The following ZFAND3 variants were observed in gnomAD, a reference collection of about 807,000 sequenced individuals.
ZFAND3 encodes zinc finger AN1-type containing 3, also known as AN1-type zinc finger protein 3.
In ZFAND3, 10 loss-of-function variants were observed where a neutral mutation model predicts 29.6. The observed-to-expected ratio is 0.34, with a 90% CI of 0.21 to 0.57. The LOEUF (loss-of-function observed/expected upper bound fraction) is 0.57, where lower values mean the gene tolerates loss of function less well. Ranked by LOEUF, ZFAND3 falls within the 20% of genes least tolerant of loss-of-function variation. The pLI is 0.86. For synonymous variants in ZFAND3, 128 were observed against 112.6 expected (o/e 1.14, Z -0.87); for missense variants, 230 against 304.5 (o/e 0.76, Z 1.82).
Position 37,985,042 on chromosome 6 carries a change from T to C in ZFAND3, c.112+55043T>C, listed in dbSNP as rs552503461. Among the ~76,000 whole-genome samples the C allele has an allele frequency of 7.2e-5, 11 of 152,340 alleles. No individual in the cohort carries two copies. The South Asian group carries it at 2.3e-3, about 32-fold the overall frequency. On this transcript the variant is annotated intron_variant, in intron 2 of 5. Transcript: ENST00000287218. ...GATATAAGACTTCCAGTACTTTAGT[T>C]TTAGTTTCTCTCAGTCTTTAGTTTA...
intron 5 of ZFAND3, among the ~76,000 whole-genome samples, chr6:38,124,170 T>C (rs750431873): frequency 1.6e-4 from 24 of 152,218 alleles, no homozygotes; most frequent in Non-Finnish European, 2.2e-4. Context: ...AACCTTGAAC[T>C]AGACACAGAG....
chr6:38,070,414 A>T (rs865855452), intron 3 of ZFAND3, among the ~76,000 whole-genome samples: 1 of 99,128 alleles, frequency 1.0e-5, no homozygotes, highest in East Asian at 3.3e-4. Context: ...AACTTAGTCT[A>T]AAAAAAAAAA....
chr6:38,002,485 G>C (rs1034638139), intron 2 of ZFAND3, among the ~76,000 whole-genome samples: 1 of 151,724 alleles, frequency 6.6e-6, no homozygotes, highest in South Asian at 2.1e-4. Context: ...CCGAGACAAG[G>C]CTAGGCAATA....
At chr6:38,146,462 A>G (rs1369299462) in intron 5 of ZFAND3, among the ~76,000 whole-genome samples, 1 of 152,222 alleles carries the variant, frequency 6.6e-6, no homozygotes, top group African/African-American at 2.4e-5. Flanking sequence ...TCGAGGGCTC[A>G]TCCTAAATTG....
chr6:37,907,503 G>A lies in ZFAND3; in HGVS notation c.72-22456G>A, dbSNP rs144299056. Among the ~76,000 whole-genome samples the A allele has an allele frequency of 2.4e-3, 372 of 152,220 alleles. 3 individuals carry two copies. Among genetic ancestry groups the A allele is most frequent in the African/African-American group, 8.6e-3 (356 of 41,546 alleles). ...CATAATGTATAGTCTTTTGTGACTA[G>A]CTTCTCTCACTGAACGTGTTTTTGT... On this transcript the variant is annotated intron_variant, in intron 1 of 5. Transcript: ENST00000287218.
At chr6:37,905,081 A>G (rs1393690307) in intron 1 of ZFAND3, among the ~76,000 whole-genome samples, 1 of 152,202 alleles carries the variant, frequency 6.6e-6, no homozygotes. Flanking sequence ...GGGTAGAATC[A>G]TGTCCTTTGA....
rs1230690120 is a variant in ZFAND3 at position 37,944,472 on chromosome 6, C to T, written c.112+14473C>T. Among the ~76,000 whole-genome samples the T allele has an allele frequency of 3.9e-5, 6 of 152,202 alleles. No individual in the cohort carries two copies. The South Asian group carries it at 1.0e-3, about 26-fold the overall frequency. ...AGACAAAATTCTTTTCTCAAAATCC[C>T]TACATGGCCCTACAAGAGGAGGAGC... On this transcript the variant is annotated intron_variant, in intron 2 of 5. Coordinates refer to ENST00000287218, the MANE Select transcript of ZFAND3 (RefSeq NM_021943.3).
At chr6:37,923,617 A>G (rs932109979) in intron 1 of ZFAND3, among the ~76,000 whole-genome samples, 1 of 152,242 alleles carries the variant, frequency 6.6e-6, no homozygotes, top group African/African-American at 2.4e-5. Flanking sequence ...TTTATCAAGT[A>G]TTATGTACTA....
chr6:37,875,503 C>T (rs996032300), intron 1 of ZFAND3, among the ~76,000 whole-genome samples: 1 of 151,968 alleles, frequency 6.6e-6, no homozygotes, highest in Non-Finnish European at 1.5e-5. Flanking sequence ...ACTTAAAGAG[C>T]ATCCCAGAAC....
intron 2 of ZFAND3, among the ~76,000 whole-genome samples, chr6:38,023,833 T>A (rs1763396218): frequency 6.6e-6 from 1 of 152,202 alleles, no homozygotes; most frequent in Admixed American, 6.5e-5. Flanking sequence ...CTGTCTAAAT[T>A]ACTCCATTAT....
chr6:37,847,027 A>T (rs989215392), intron 1 of ZFAND3, among the ~76,000 whole-genome samples: 14 of 151,986 alleles, frequency 9.2e-5, no homozygotes, highest in African/African-American at 3.4e-4. Flanking sequence ...TGTGATTTTT[A>T]TTCAGGTAGG....
rs576092209 is a variant in ZFAND3 at position 37,987,545 on chromosome 6, G to T, written c.112+57546G>T. 3.1e-3 allele frequency among the ~76,000 whole-genome samples: 471 copies of T among 152,346 alleles called. 3 individuals are homozygous for T. The highest frequency in any genetic ancestry group is 0.011 in the African/African-American group (448 of 41,576). ...ATCTAAAAATGTAGTAGGCATCTCA[G>T]TGAAGTGATTGTACCCTTTCAAATG... On this transcript the variant is annotated intron_variant, in intron 2 of 5. Coordinates refer to ENST00000287218, the MANE Select transcript of ZFAND3 (RefSeq NM_021943.3).
chr6:38,083,036 C>G (rs1764693042), intron 4 of ZFAND3, among the ~76,000 whole-genome samples: 1 of 152,108 alleles, frequency 6.6e-6, no homozygotes, highest in African/African-American at 2.4e-5. Flanking sequence ...TCGCCTGTAG[C>G]TTAATTTATT....
intron 2 of ZFAND3, among the ~76,000 whole-genome samples, chr6:37,986,364 A>G (rs1050855285): frequency 6.6e-6 from 1 of 152,134 alleles, no homozygotes; most frequent in Admixed American, 6.5e-5. Flanking sequence ...GGGATTCACC[A>G]GCTGTTACCT....
chr6:38,060,551 T>TA (rs1308145117), intron 2 of ZFAND3, among the ~76,000 whole-genome samples: 1 of 151,176 alleles, frequency 6.6e-6, no homozygotes, highest in Non-Finnish European at 1.5e-5. Context: ...CTTTCTTTCT[T>TA]ACTCCTGGAC....
chr6:38,152,346 A>G lies in ZFAND3; in HGVS notation c.641A>G (p.Lys214Arg), dbSNP rs1427144159. 1.9e-6 allele frequency: 3 copies of G among 1,609,440 alleles called. No individual in the cohort carries two copies. Among genetic ancestry groups the G allele is most frequent in the Non-Finnish European group, 2.5e-6 (3 of 1,177,982 alleles). Residue 214 changes from lysine (K) to arginine (R), a missense_variant, in exon 6 of 6, where the codon AAA (lysine) becomes AGA (arginine). Transcript: ENST00000287218. ...ATGAAAATGGTGAAGCTGGACCGGA[A>G]AGTGGGGCGCTCCTGCCAGCGCATC... ...AIMKMVKLDR[K>R]VGRSCQRIGE...
chr6:37,834,784 C>CATGCATATATAATGATATATGCTCAT (rs1763934958), intron 1 of ZFAND3, among the ~76,000 whole-genome samples: 8 of 149,206 alleles, frequency 5.4e-5, no homozygotes, highest in Non-Finnish European at 8.9e-5. Context: ...ATGCATATAT[C>CATGCATATATAATGATATATGCTCAT]ATGCATATAT....
At chr6:38,049,185 A>C (rs1313030401) in intron 2 of ZFAND3, among the ~76,000 whole-genome samples, 1 of 152,214 alleles carries the variant, frequency 6.6e-6, no homozygotes, top group Admixed American at 6.5e-5. Context: ...GTTAGTGTAC[A>C]TTGTTAATGA....
At chr6:38,016,979 G>C (rs1763262688) in intron 2 of ZFAND3, among the ~76,000 whole-genome samples, 1 of 152,098 alleles carries the variant, frequency 6.6e-6, no homozygotes, top group African/African-American at 2.4e-5. Flanking sequence ...CAAATGTCTT[G>C]AACTTCCCTT....
Sources: allele counts gnomAD v4.1 joint callset (sites outside exome capture counted in the v4.1 genomes callset), GRCh38; gene constraint gnomAD v4.1.1; transcripts MANE v1.5; gene names NCBI Gene and HGNC (gene_info 2026-07-23, HGNC 2026-07-21).